The following PCDHGA4 variants were observed in gnomAD, a reference collection of about 807,000 sequenced individuals.
PCDHGA4 encodes the protein protocadherin gamma subfamily A, 4.
PCDHGA4 carries 38 observed loss-of-function variants against 54.6 expected under a neutral mutation model. That is an observed-to-expected ratio of 0.70 (90% CI 0.54 to 0.91). The LOEUF is 0.91. Among genes scored for constraint, PCDHGA4 ranks in the 40% least tolerant of loss-of-function variants. PCDHGA4 has a pLI of 0.00. For synonymous variants in PCDHGA4, 511 were observed against 512.9 expected (o/e 1.00, Z 0.05); for missense variants, 1,298 against 1,220.9 (o/e 1.06, Z -0.94).
intron 1 of PCDHGA4, chr5:141,422,940 C>T (rs769630623): frequency 2.0e-5 from 32 of 1,614,124 alleles, no homozygotes; most frequent in Admixed American, 5.0e-5. Flanking sequence ...TCCCCACAGA[C>T]GGCTCCACTG....
At chr5:141,373,971 C>A in intron 1 of PCDHGA4, 2 of 1,026,814 alleles carry the variant, frequency 1.9e-6, no homozygotes, top group Non-Finnish European at 2.7e-6. Flanking sequence ...AAACGCTTCG[C>A]ATCCGGTCTC....
chr5:141,508,737 C>A (rs919094477), intron 3 of PCDHGA4, among the ~76,000 whole-genome samples: 8 of 152,010 alleles, frequency 5.3e-5, no homozygotes, highest in Non-Finnish European at 1.2e-4. Flanking sequence ...CTACACCCCC[C>A]ACCCCGCTCT....
intron 1 of PCDHGA4, chr5:141,370,409 CG>C (rs775733785): frequency 6.4e-7 from 1 of 1,561,734 alleles, no homozygotes; most frequent in Non-Finnish European, 8.6e-7. Context: ...GAAATAGCTC[CG>C]GATGGAGGGG....
At chr5:141,430,935 T>G (rs748546768) in intron 1 of PCDHGA4, 1 of 1,607,814 alleles carries the variant, frequency 6.2e-7, no homozygotes. Context: ...CCCCGGGAGC[T>G]CGCGGAGCGC....
intron 1 of PCDHGA4, among the ~76,000 whole-genome samples, chr5:141,442,913 AACT>A (rs1163578304): frequency 6.6e-6 from 1 of 152,214 alleles, no homozygotes. Flanking sequence ...TTCAGCACAC[AACT>A]GTTTCATTTT....
intron 1 of PCDHGA4, among the ~76,000 whole-genome samples, chr5:141,443,905 A>G (rs963772369): frequency 6.6e-6 from 1 of 152,204 alleles, no homozygotes; most frequent in Admixed American, 6.5e-5. Context: ...TAGTAGGAAA[A>G]TTCATAAAAG....
intron 1 of PCDHGA4, chr5:141,370,594 G>A (rs755061180): frequency 1.2e-6 from 2 of 1,613,892 alleles, no homozygotes; most frequent in Admixed American, 1.7e-5. Context: ...AGGAACCTGC[G>A]GGTTATTGCA....
At chr5:141,439,126 G>A (rs2098089550) in intron 1 of PCDHGA4, among the ~76,000 whole-genome samples, 1 of 151,328 alleles carries the variant, frequency 6.6e-6, no homozygotes, top group African/African-American at 2.4e-5. Flanking sequence ...CCGGGAGACA[G>A]AGGTTGCAGT....
chr5:141,474,687 A>G (rs369586568), intron 1 of PCDHGA4, among the ~76,000 whole-genome samples: 35 of 152,302 alleles, frequency 2.3e-4, no homozygotes, highest in African/African-American at 7.7e-4. Flanking sequence ...CTACCCCTTC[A>G]CTTATGTTCA....
At chr5:141,379,014 T>G (rs1440666109) in intron 1 of PCDHGA4, 1 of 152,222 alleles carries the variant, frequency 6.6e-6, no homozygotes, top group East Asian at 1.9e-4. Flanking sequence ...TCTCCAGTCA[T>G]GAGTTGGAAG....
intron 1 of PCDHGA4, chr5:141,440,430 G>A (rs965990102): frequency 6.6e-6 from 1 of 152,196 alleles, no homozygotes; most frequent in African/African-American, 2.4e-5. Flanking sequence ...CTGGGTGACA[G>A]AGCAAGGCGC....
chr5:141,420,009 A>T, intron 1 of PCDHGA4: 1 of 1,614,088 alleles, frequency 6.2e-7, no homozygotes, highest in Non-Finnish European at 8.5e-7. Context: ...CGCCTGCGAC[A>T]GTCTTTCAGC....
intron 1 of PCDHGA4, among the ~76,000 whole-genome samples, chr5:141,430,347 A>C (rs2097274758): frequency 6.6e-6 from 1 of 151,944 alleles, no homozygotes; most frequent in Non-Finnish European, 1.5e-5. Flanking sequence ...CTTCCAATTC[A>C]TTTAAAAGCT....
At chr5:141,494,445 A>G (rs1424475551) in intron 1 of PCDHGA4, among the ~76,000 whole-genome samples, 1 of 152,158 alleles carries the variant, frequency 6.6e-6, no homozygotes, top group East Asian at 1.9e-4. Flanking sequence ...TTGCCACTTT[A>G]GGGGGCTTTG....
At chr5:141,376,223 C>T (rs1772425823) in intron 1 of PCDHGA4, 1 of 1,614,084 alleles carries the variant, frequency 6.2e-7, no homozygotes, top group Non-Finnish European at 8.5e-7. Context: ...GCTGCTGGCG[C>T]TCAGACTGCA....
At chr5:141,499,726 ACT>A (rs1368224475) in intron 2 of PCDHGA4, among the ~76,000 whole-genome samples, 1 of 128,608 alleles carries the variant, frequency 7.8e-6, no homozygotes, top group African/African-American at 3.0e-5. Flanking sequence ...ACAGAGTCTC[ACT>A]CTCTTGCCCA....
chr5:141,399,472 C>T lies in PCDHGA4; in HGVS notation c.2514+41851C>T, dbSNP rs763239278. On this transcript the variant is annotated intron_variant, in intron 1 of 3. Transcript: ENST00000571252. ...CGTCAACGATAACGCTCCGGTTTTCCACCAGGCGTCCTACTTAGTCAGTGT... is the reference window on the plus strand; with the variant it reads ...CGTCAACGATAACGCTCCGGTTTTCTACCAGGCGTCCTACTTAGTCAGTGT... 29 of 1,613,908 alleles carry T rather than the reference C, an allele frequency of 1.8e-5. No individual in the cohort carries two copies. The South Asian group carries it at 2.9e-4, about 16-fold the overall frequency.
At chr5:141,458,899 T>A (rs1398965632) in intron 1 of PCDHGA4, among the ~76,000 whole-genome samples, 2 of 152,106 alleles carry the variant, frequency 1.3e-5, no homozygotes, top group African/African-American at 2.4e-5. Context: ...GCGCAGCTAA[T>A]TTTTTCTATT....
intron 1 of PCDHGA4, chr5:141,409,236 C>T (rs1305954301): frequency 1.2e-6 from 2 of 1,613,866 alleles, no homozygotes; most frequent in Non-Finnish European, 8.5e-7. Flanking sequence ...GACAACAGCC[C>T]AGAAATAATC....
Sources: gnomAD v4.1 joint callset for allele counts (sites outside exome capture counted in the v4.1 genomes callset) on GRCh38, gnomAD v4.1.1 for gene constraint, MANE v1.5 for transcripts, NCBI Gene and HGNC (gene_info 2026-07-23, HGNC 2026-07-21) for gene names.